Variants in TEX14 observed in about 807,000 individuals in gnomAD.
The protein encoded by TEX14 is inactive serine/threonine-protein kinase TEX14.
A neutral mutation model predicts 178.6 loss-of-function variants in TEX14; 168 were observed. The observed-to-expected ratio is 0.94, with a 90% CI of 0.83 to 1.07. The LOEUF is 1.07. TEX14 is among the 50% of genes least tolerant of loss of function. The pLI is 0.00. For missense variants in TEX14, 1,730 were observed against 1,753.6 expected (o/e 0.99, Z 0.24); for synonymous variants, 626 against 634.1 (o/e 0.99, Z 0.19).
At chr17:58,603,511 C>T (rs572762676) in intron 11 of TEX14, among the ~76,000 whole-genome samples, 4 of 147,178 alleles carry the variant, frequency 2.7e-5, no homozygotes, top group Non-Finnish European at 5.9e-5. Context: ...GCTGAGATCG[C>T]GCCACTGCAC....
chr17:58,593,270 G>A (rs765614185), intron 15 of TEX14, among the ~76,000 whole-genome samples: 2 of 152,148 alleles, frequency 1.3e-5, no homozygotes, highest in Non-Finnish European at 2.9e-5. Flanking sequence ...GTTTTTATAA[G>A]AAAAACTATC....
intron 30 of TEX14, 39 bp downstream of exon 30, chr17:58,559,414 G>A (rs1452971605): frequency 1.1e-6 from 1 of 877,938 alleles, no homozygotes; most frequent in Non-Finnish European, 1.9e-6. Context: ...CAAAGCCCAA[G>A]GACTACAGAC....
intron 21 of TEX14, among the ~76,000 whole-genome samples, chr17:58,574,675 CAAAAAAAAAA>C (rs1177255314): frequency 4.6e-5 from 2 of 43,886 alleles, no homozygotes; most frequent in Admixed American, 3.8e-4. Context: ...ACTCCATCTC[CAAAAAAAAAA>C]AAAAAAAAAA....
intron 1 of TEX14, chr17:58,659,196 C>G: frequency 8.7e-6 from 2 of 230,424 alleles, no homozygotes; most frequent in South Asian, 1.5e-4. Flanking sequence ...GTTATGCAGC[C>G]GAGTTTTCTC....
At chr17:58,683,842 G>A (rs1167161453) in intron 1 of TEX14, among the ~76,000 whole-genome samples, 2 of 151,450 alleles carry the variant, frequency 1.3e-5, no homozygotes, top group Non-Finnish European at 2.9e-5. Context: ...TGAGGCGGGC[G>A]GATCACAAGG....
chr17:58,599,242 A>C lies in TEX14; in HGVS notation c.2103T>G (p.Ser701Arg). ...TGGTTGACTCAGGAAGGCTGAGTGA[A>C]CTGAGTGAACCGTTTTGCCAGTCCC... ...DDWDWQNGSL[S>R]SLSLPESTRE... Residue 701 changes from serine to arginine, a missense_variant, in exon 14 of 32, where the codon AGT becomes AGG. Ser to Arg is a moderately radical substitution (Grantham distance 110). Coordinates refer to ENST00000349033, the MANE Select transcript of TEX14 (RefSeq NM_031272.5). 6.2e-7 allele frequency: 1 copy of C among 1,613,926 alleles called. No homozygotes were observed. The highest frequency in any genetic ancestry group is 8.5e-7 in the Non-Finnish European group (1 of 1,180,020).
chr17:58,598,053 C>T (rs971959743), intron 14 of TEX14, among the ~76,000 whole-genome samples: 1 of 152,054 alleles, frequency 6.6e-6, no homozygotes, highest in African/African-American at 2.4e-5. Flanking sequence ...GTGGCTCATG[C>T]CTGTAATCCC....
chr17:58,680,101 A>G (rs565497110), intron 1 of TEX14, among the ~76,000 whole-genome samples: 1 of 151,978 alleles, frequency 6.6e-6, no homozygotes, highest in Non-Finnish European at 1.5e-5. Flanking sequence ...CCCCCCAGAG[A>G]CAAAGTCTTG....
chr17:58,571,863 G>T, intron 24 of TEX14, 58 bp downstream of exon 24: 24 of 1,487,190 alleles, frequency 1.6e-5, no homozygotes, highest in Middle Eastern at 2.3e-4. Flanking sequence ...GGCAGTTTGG[G>T]TCACTGGGCC....
intron 26 of TEX14, among the ~76,000 whole-genome samples, chr17:58,568,955 TC>T (rs1174979803): frequency 2.0e-5 from 3 of 152,088 alleles, no homozygotes; most frequent in African/African-American, 7.2e-5. Flanking sequence ...TCAACATAAG[TC>T]CTTTAAGTAA....
intron 1 of TEX14, chr17:58,660,884 C>G: frequency 1.2e-6 from 1 of 810,260 alleles, no homozygotes; most frequent in Non-Finnish European, 2.2e-6. Context: ...CATTGGAGGC[C>G]TCTTCTGGTG....
At chr17:58,558,710 G>A (rs998238938) in intron 30 of TEX14, among the ~76,000 whole-genome samples, 6 of 152,096 alleles carry the variant, frequency 3.9e-5, no homozygotes, top group Non-Finnish European at 7.3e-5. Flanking sequence ...GGGCATATCA[G>A]AAGCCTTCAA....
chr17:58,598,759 G>A, intron 14 of TEX14, 117 bp downstream of exon 14: 1 of 1,031,038 alleles, frequency 9.7e-7, no homozygotes, highest in Non-Finnish European at 1.4e-6. Context: ...TTACCTGATG[G>A]CTTATCTCTG....
chr17:58,653,266 A>C (rs961701042), intron 1 of TEX14, among the ~76,000 whole-genome samples: 1 of 152,166 alleles, frequency 6.6e-6, no homozygotes, highest in Non-Finnish European at 1.5e-5. Context: ...ATTTGTGTAC[A>C]GTGCTTAGCA....
chr17:58,599,778 T>G, intron 13 of TEX14, 112 bp from the exon 14 acceptor site: 1 of 828,476 alleles, frequency 1.2e-6, no homozygotes, highest in Non-Finnish European at 1.8e-6. Context: ...AAAAGTTTTT[T>G]ATTTTCCCAC....
intron 28 of TEX14, among the ~76,000 whole-genome samples, chr17:58,563,266 G>A (rs761946489): frequency 2.0e-5 from 3 of 151,804 alleles, no homozygotes; most frequent in African/African-American, 7.3e-5. Context: ...TACAACACAG[G>A]CAAAAAGAGC....
rs1368632487 is a variant in TEX14, at chr17:58,652,449, C to T, written c.-1-447G>A. Among the ~76,000 whole-genome samples, 5 of 152,072 alleles carry T rather than the reference C, an allele frequency of 3.3e-5. No individual in the cohort carries two copies. The East Asian group carries it at 5.8e-4, about 18-fold the overall frequency. The stretch of plus-strand genomic sequence containing the variant: ...TTATAAGGGGCTTTTCTTTCTTTTG[C>T]TCAGTACTTCTCCTTCCTGCCATCA... On this transcript the variant is annotated intron_variant, in intron 1 of 31. Coordinates refer to ENST00000349033, the MANE Select transcript of TEX14 (RefSeq NM_031272.5).
At chr17:58,592,486 C>T (rs2045174101) in intron 15 of TEX14, among the ~76,000 whole-genome samples, 1 of 152,242 alleles carries the variant, frequency 6.6e-6, no homozygotes, top group East Asian at 1.9e-4. Flanking sequence ...AGGCGCCCGC[C>T]ACCACGCCCG....
intron 30 of TEX14, among the ~76,000 whole-genome samples, chr17:58,558,123 C>A (rs1301876306): frequency 6.6e-6 from 1 of 152,218 alleles, no homozygotes; most frequent in East Asian, 1.9e-4. Context: ...CTATTAATAG[C>A]TAAATGCCTA....
Sources: gnomAD v4.1 joint callset for allele counts (sites outside exome capture counted in the v4.1 genomes callset) on GRCh38, gnomAD v4.1.1 for gene constraint, MANE v1.5 for transcripts, NCBI Gene and HGNC (gene_info 2026-07-23, HGNC 2026-07-21) for gene names.